The following TDRD9 variants were observed in gnomAD, a reference collection of about 807,000 sequenced individuals.
TDRD9 encodes ATP-dependent RNA helicase TDRD9.
A neutral mutation model predicts 172.6 loss-of-function variants in TDRD9; 124 were observed. That is an observed-to-expected ratio of 0.72 (90% CI 0.62 to 0.83). TDRD9 has a LOEUF of 0.83. Among genes scored for constraint, TDRD9 ranks in the 40% least tolerant of loss-of-function variants. TDRD9 has a pLI of 0.00. For missense variants in TDRD9, 1,479 were observed against 1,714.1 expected (o/e 0.86, Z 2.42); for synonymous variants, 619 against 617.1 (o/e 1.00, Z -0.05).
chr14:103,985,379 GGTTCTGTAAGGGAGA>G (rs2033623839), intron 7 of TDRD9, among the ~76,000 whole-genome samples: 2 of 152,076 alleles, frequency 1.3e-5, no homozygotes, highest in African/African-American at 4.8e-5. Flanking sequence ...GAAATCCGAT[GGTTCTGTAAGGGAGA>G]GTTTCCATGC....
intron 1 of TDRD9, among the ~76,000 whole-genome samples, chr14:103,947,350 G>A (rs189510096): frequency 6.6e-6 from 1 of 150,694 alleles, no homozygotes; most frequent in East Asian, 1.9e-4. Flanking sequence ...TGTTTTTTTA[G>A]ATGGAGTCTC....
At chr14:104,042,689 C>T (rs1312351076) in intron 34 of TDRD9, among the ~76,000 whole-genome samples, 3 of 152,148 alleles carry the variant, frequency 2.0e-5, no homozygotes, top group Non-Finnish European at 4.4e-5. Flanking sequence ...TTGAGGGCCC[C>T]GGGAAGGCCA....
At chr14:103,959,834 C>T (rs760599061) in intron 2 of TDRD9, among the ~76,000 whole-genome samples, 16 of 152,286 alleles carry the variant, frequency 1.1e-4, no homozygotes, top group Non-Finnish European at 2.4e-4. Context: ...TCTTTCCTTA[C>T]AGTGTGAGCC....
intron 22 of TDRD9, 151 bp from the exon 23 acceptor site, chr14:104,017,941 C>T: frequency 1.9e-6 from 1 of 540,118 alleles, no homozygotes; most frequent in Non-Finnish European, 3.3e-6. Flanking sequence ...TCTTTAAATG[C>T]ACTGATCTGT....
chr14:103,953,624 A>G (rs924417564), intron 1 of TDRD9, among the ~76,000 whole-genome samples: 7 of 152,086 alleles, frequency 4.6e-5, no homozygotes, highest in Non-Finnish European at 1.0e-4. Context: ...ATTCAGTCTG[A>G]ATTTGAAGGC....
chr14:103,964,580 G>A (rs1345044007), intron 3 of TDRD9, among the ~76,000 whole-genome samples: 1 of 152,150 alleles, frequency 6.6e-6, no homozygotes, highest in African/African-American at 2.4e-5. Context: ...AGGCTGGAGT[G>A]CAGTGGCACG....
chr14:103,985,610 C>T (rs974479433), intron 7 of TDRD9, among the ~76,000 whole-genome samples: 2 of 151,986 alleles, frequency 1.3e-5, no homozygotes, highest in African/African-American at 4.8e-5. Context: ...GCCTGAGGGG[C>T]AAGTTTACAT....
rs1193205009 is a variant in TDRD9, at chr14:103,928,656, C to G, written c.147C>G (p.Gly49=). ...TGCAGCGCCAGGACGTGGCCCCCGG[C>G]GCTGGTCCCGCGGCCCAGGCTCCGG... ...EEVQRQDVAP[G]AGPAAQAPAL... is the part of the protein sequence containing the mutation. The change falls in exon 1 of 36, where the codon GGC becomes GGG. Residue 49 remains glycine, a synonymous_variant. Coordinates refer to ENST00000409874, the MANE Select transcript of TDRD9 (RefSeq NM_153046.3). The G allele has an allele frequency of 3.2e-6, 4 of 1,245,832 alleles. No individual in the cohort carries two copies. The highest frequency in any genetic ancestry group is 2.8e-5 in the South Asian group (1 of 35,968). 77.2% of individuals were successfully genotyped at this position (1,245,832 alleles called of 1,614,324 possible). A position where few individuals can be genotyped will look rare whatever the true frequency, so the allele number is the denominator to read the frequency against.
At chr14:103,960,623 T>C (rs532693757) in intron 2 of TDRD9, among the ~76,000 whole-genome samples, 4 of 152,348 alleles carry the variant, frequency 2.6e-5, no homozygotes, top group African/African-American at 7.2e-5. Context: ...TTCTGCTGTT[T>C]GGTTTCCTGT....
At chr14:104,013,711 G>C (rs142870007) in intron 20 of TDRD9, 1 of 149,968 alleles carries the variant, frequency 6.7e-6, no homozygotes, top group African/African-American at 2.5e-5. Flanking sequence ...TCACTTGAGC[G>C]TAGGAGTTCT....
chr14:103,955,536 A>G, intron 1 of TDRD9, 128 bp from the exon 2 acceptor site: 1 of 581,720 alleles, frequency 1.7e-6, no homozygotes, highest in Non-Finnish European at 3.0e-6. Context: ...ACTGAGTTTG[A>G]GTGTATATTC....
chr14:103,947,970 CATAGAATGT>C (rs1418707977), intron 1 of TDRD9, among the ~76,000 whole-genome samples: 1 of 152,120 alleles, frequency 6.6e-6, no homozygotes, highest in Non-Finnish European at 1.5e-5. Flanking sequence ...GGGATTAATA[CATAGAATGT>C]ATAGAGATTT....
chr14:103,934,524 A>G (rs910407787), intron 1 of TDRD9, among the ~76,000 whole-genome samples: 4 of 152,172 alleles, frequency 2.6e-5, no homozygotes, highest in Non-Finnish European at 4.4e-5. Context: ...CATGCCTGTA[A>G]TCCCAGCACT....
chr14:104,006,249 A>G (rs535482286), intron 15 of TDRD9, 140 bp from the exon 16 acceptor site: 3 of 673,190 alleles, frequency 4.5e-6, no homozygotes, highest in Admixed American at 6.2e-5. Flanking sequence ...TTTTGGTAAC[A>G]TATCAACCTT....
chr14:104,012,052 C>T (rs2034629237), intron 20 of TDRD9, among the ~76,000 whole-genome samples: 1 of 152,158 alleles, frequency 6.6e-6, no homozygotes, highest in African/African-American at 2.4e-5. Context: ...GTATTGCAAC[C>T]AGGAAGCTCA....
At chr14:103,938,797 G>C (rs1297841108) in intron 1 of TDRD9, among the ~76,000 whole-genome samples, 2 of 151,914 alleles carry the variant, frequency 1.3e-5, no homozygotes, top group Non-Finnish European at 2.9e-5. Context: ...ATAGCCTAGT[G>C]TATAAAAACA....
At position 104,005,408 on chromosome 14, in the gene TDRD9, A is replaced by G. The variant is rs1330814947; in HGVS notation, c.1713+3A>G. 6.2e-6 allele frequency: 10 copies of G among 1,613,918 alleles called. No homozygotes were observed. Among genetic ancestry groups the G allele is most frequent in the East Asian group, 2.2e-5 (1 of 44,874 alleles). ...GCACCATCCTTCTACTAAAGGAGGTAGGACTGCCTGCTGGTTAGTACTGTT... is the reference window on the plus strand; with the variant it reads ...GCACCATCCTTCTACTAAAGGAGGTGGGACTGCCTGCTGGTTAGTACTGTT... On this transcript the variant is annotated splice_donor_region_variant and intron_variant, in intron 15 of 35. Coordinates refer to ENST00000409874, the MANE Select transcript of TDRD9 (RefSeq NM_153046.3).
rs780212923 is a variant in TDRD9 at position 104,022,158 on chromosome 14, G to A, written c.2434G>A (p.Ala812Thr). The A allele has an allele frequency of 5.2e-6, 8 of 1,552,318 alleles. No individual in the cohort carries two copies. Among genetic ancestry groups the A allele is most frequent in the Non-Finnish European group, 7.0e-6 (8 of 1,147,540 alleles). Residue 812 changes from alanine to threonine, a missense_variant and splice_region_variant, in exon 24 of 36, where the codon GCC (alanine) becomes ACC (threonine). Ala to Thr is a moderately conservative substitution (Grantham distance 58, BLOSUM62 0). Transcript: ENST00000409874. The stretch of plus-strand genomic sequence containing the variant: ...TTTAAATTTACATTTGTGGAACAGA[G>A]CCTTTGTGGAATTCTCACGAAATCC... ...VKSIVFDGAK[A>T]FVEFSRNPTE...
rs146144620 is a variant in TDRD9 at position 104,039,114 on chromosome 14, G to C, written c.3717-1082G>C. ...TCATGGTGGAAGGGAAAGCAAACAC[G>C]TTCTTCTTCACATGGTGGCAGCAAG... On this transcript the variant is annotated intron_variant, in intron 32 of 35. Transcript: ENST00000409874. Among the ~76,000 whole-genome samples the C allele has an allele frequency of 2.4e-4, 36 of 152,264 alleles. 1 individual carries two copies. In the East Asian group the frequency reaches 6.0e-3, roughly 25 times the overall value.
Sources: allele counts gnomAD v4.1 joint callset (sites outside exome capture counted in the v4.1 genomes callset), GRCh38; gene constraint gnomAD v4.1.1; transcripts MANE v1.5; gene names NCBI Gene and HGNC (gene_info 2026-07-23, HGNC 2026-07-21).